Variants in NALF1 observed in about 807,000 individuals in gnomAD.
NALF1 encodes the protein family with sequence similarity 155 member A.
In NALF1, 3 loss-of-function variants were observed where a neutral mutation model predicts 48.4. That is an observed-to-expected ratio of 0.06 (90% CI 0.03 to 0.16). The LOEUF (loss-of-function observed/expected upper bound fraction) is 0.16. Ranked by LOEUF, NALF1 falls within the 10% of genes least tolerant of loss-of-function variation. The pLI is 1.00. For synonymous variants in NALF1, 262 were observed against 245.7 expected, an observed-to-expected ratio of 1.07 and a Z score of -0.62; for missense variants, 526 against 571.5, an observed-to-expected ratio of 0.92 and a Z score of 0.81.
At chr13:107,823,755 T>G (rs2138619764) in intron 1 of NALF1, among the ~76,000 whole-genome samples, 1 of 152,322 alleles carries the variant, frequency 6.6e-6, no homozygotes. Flanking sequence ...ATACAGATTT[T>G]GGAGCCTGAC....
intron 1 of NALF1, among the ~76,000 whole-genome samples, chr13:107,449,323 C>G (rs1190946545): frequency 6.6e-6 from 1 of 151,734 alleles, no homozygotes; most frequent in Admixed American, 6.6e-5. Context: ...GAGTGTGAAA[C>G]TGGAACAAGA....
chr13:107,269,913 ATTTTTTTTTTTTT>A (rs71121514), intron 1 of NALF1, among the ~76,000 whole-genome samples: 95 of 89,056 alleles, frequency 1.1e-3, no homozygotes, highest in African/African-American at 2.2e-3. Context: ...CGCCCGGCTA[ATTTTTTTTTTTTT>A]TTTTTTTTTT....
At chr13:107,213,181 C>T (rs953126300) in intron 1 of NALF1, among the ~76,000 whole-genome samples, 4 of 136,880 alleles carry the variant, frequency 2.9e-5, no homozygotes, top group Non-Finnish European at 4.5e-5. Flanking sequence ...TATTCTGGCT[C>T]CTTAAATTCT....
rs1223693464 is a variant in NALF1 at position 107,504,227 on chromosome 13, G to A, written c.916-293472C>T. ...GATTGCACCATTGCACTCCAGCCTG[G>A]ACTACAGAGTGAGGCCCTATCTCAA... On this transcript the variant is annotated intron_variant, in intron 1 of 2. Coordinates refer to ENST00000375915, the MANE Select transcript of NALF1 (RefSeq NM_001080396.3). 3.5e-5 allele frequency among the ~76,000 whole-genome samples: 5 copies of A among 143,768 alleles called. No individual in the cohort carries two copies. The East Asian group carries it at 1.0e-3, about 30-fold the overall frequency. 94.3% of individuals were successfully genotyped at this position (143,768 alleles called of 152,430 possible).
chr13:107,570,321 C>T lies in NALF1; in HGVS notation c.915+295361G>A, dbSNP rs144744285. Among the ~76,000 whole-genome samples the T allele has an allele frequency of 4.0e-3, 616 of 152,120 alleles. 4 individuals are homozygous for T. The highest frequency in any genetic ancestry group is 0.02 in the South Asian group (96 of 4,824). On this transcript the variant is annotated intron_variant, in intron 1 of 2. Transcript: ENST00000375915. The stretch of plus-strand genomic sequence containing the variant: ...CCACCATAAAGTATGATCGTAGATA[C>T]AGACTTTATATTGATGTTTTTAATA...
intron 1 of NALF1, among the ~76,000 whole-genome samples, chr13:107,733,931 C>T (rs144585006): frequency 1.1e-4 from 16 of 152,246 alleles, no homozygotes; most frequent in South Asian, 2.1e-4. Flanking sequence ...TTTACTTACA[C>T]GAACCTAGAT....
At chr13:107,280,525 T>A (rs1270397429) in intron 1 of NALF1, among the ~76,000 whole-genome samples, 2 of 152,198 alleles carry the variant, frequency 1.3e-5, no homozygotes, top group African/African-American at 4.8e-5. Flanking sequence ...ATGCAAACAT[T>A]TTTTGATTAA....
chr13:107,805,646 T>C (rs1878762041), intron 1 of NALF1, among the ~76,000 whole-genome samples: 1 of 152,160 alleles, frequency 6.6e-6, no homozygotes, highest in Admixed American at 6.5e-5. Context: ...CATGAGTAAA[T>C]AAATATTAAA....
Position 107,617,864 on chromosome 13 carries a change from T to A in NALF1, c.915+247818A>T, listed in dbSNP as rs1879421310. Among the ~76,000 whole-genome samples, 4 of 152,210 alleles carry A rather than the reference T, an allele frequency of 2.6e-5. No individual in the cohort carries two copies. In the South Asian group the frequency reaches 8.3e-4, roughly 32 times the overall value. Reference sequence around the variant, plus strand: ...ATCGACCATAATTCACCACTCTGAATGACACAGATATTTGTGATCACTTCC... The same window carrying A: ...ATCGACCATAATTCACCACTCTGAAAGACACAGATATTTGTGATCACTTCC... On this transcript the variant is annotated intron_variant, in intron 1 of 2. Coordinates refer to ENST00000375915, the MANE Select transcript of NALF1 (RefSeq NM_001080396.3).
chr13:107,313,097 T>G (rs1043433472), intron 1 of NALF1, among the ~76,000 whole-genome samples: 1 of 151,768 alleles, frequency 6.6e-6, no homozygotes. Flanking sequence ...ACTTGGAAGA[T>G]AAAATGGAGA....
chr13:107,694,325 CCT>C (rs1881647715), intron 1 of NALF1, among the ~76,000 whole-genome samples: 1 of 151,094 alleles, frequency 6.6e-6, no homozygotes. Flanking sequence ...TTTTTTTTTG[CCT>C]CTCTCCATTG....
At chr13:107,255,539 G>A (rs1018953151) in intron 1 of NALF1, among the ~76,000 whole-genome samples, 4 of 151,622 alleles carry the variant, frequency 2.6e-5, no homozygotes, top group Non-Finnish European at 4.4e-5. Flanking sequence ...TTTGGAAGGA[G>A]CAAGGATAAT....
chr13:107,726,999 A>G (rs1199084466), intron 1 of NALF1, among the ~76,000 whole-genome samples: 2 of 146,488 alleles, frequency 1.4e-5, no homozygotes, highest in African/African-American at 5.1e-5. Flanking sequence ...TTTAGGAGAG[A>G]CGGGGTTTCC....
At chr13:107,279,111 T>C (rs1881338837) in intron 1 of NALF1, among the ~76,000 whole-genome samples, 1 of 150,270 alleles carries the variant, frequency 6.7e-6, no homozygotes, top group Admixed American at 6.6e-5. Flanking sequence ...CATCAGTTTC[T>C]AACTAAACTG....
chr13:107,217,156 C>T (rs1167371525), intron 1 of NALF1, among the ~76,000 whole-genome samples: 1 of 152,168 alleles, frequency 6.6e-6, no homozygotes, highest in Non-Finnish European at 1.5e-5. Context: ...TTGGCCTCAG[C>T]TCGAACCACT....
chr13:107,537,677 G>C (rs1436813383), intron 1 of NALF1, among the ~76,000 whole-genome samples: 1 of 152,054 alleles, frequency 6.6e-6, no homozygotes, highest in Non-Finnish European at 1.5e-5. Context: ...TCCAGGCAGT[G>C]GCACTGAGTG....
chr13:107,298,974 C>T (rs561534788), intron 1 of NALF1, among the ~76,000 whole-genome samples: 62 of 152,214 alleles, frequency 4.1e-4, no homozygotes, highest in Middle Eastern at 3.4e-3. Context: ...GCTCTGGGAT[C>T]CAACCTAGGA....
intron 1 of NALF1, among the ~76,000 whole-genome samples, chr13:107,249,800 A>G (rs1880659866): frequency 1.3e-5 from 2 of 152,218 alleles, no homozygotes; most frequent in Admixed American, 1.3e-4. Flanking sequence ...TTTCTTTTGG[A>G]ATGGTGTTTG....
intron 1 of NALF1, among the ~76,000 whole-genome samples, chr13:107,340,471 CTCTTTCTTTCTTTCTTTTTG>C (rs1174388649): frequency 1.3e-5 from 1 of 79,256 alleles, no homozygotes. Context: ...TCTTTCTTCT[CTCTTTCTTTCTTTCTTTTTG>C]TCTTTCTTTC....
Sources: allele counts gnomAD v4.1 joint callset (sites outside exome capture counted in the v4.1 genomes callset), GRCh38; gene constraint gnomAD v4.1.1; transcripts MANE v1.5; gene names NCBI Gene and HGNC (gene_info 2026-07-23, HGNC 2026-07-21).